PLEKHA1: variants seen among roughly 807,000 people sequenced by gnomAD.
PLEKHA1 encodes the protein pleckstrin homology domain-containing family A member 1.
PLEKHA1 carries 34 observed loss-of-function variants against 52.0 expected under a neutral mutation model. The ratio of observed to expected loss-of-function variants is 0.65; its 90% confidence interval spans 0.50 to 0.87. The LOEUF is 0.87. Ranked by LOEUF, PLEKHA1 falls within the 40% of genes least tolerant of loss-of-function variation. The pLI is 0.00. For synonymous variants in PLEKHA1, 163 were observed against 170.7 expected (o/e 0.95, Z 0.35); for missense variants, 497 against 504.2 (o/e 0.99, Z 0.14).
intron 1 of PLEKHA1, chr10:122,375,111 T>A (rs1323769209): frequency 6.6e-6 from 1 of 151,396 alleles, no homozygotes; most frequent in Non-Finnish European, 1.5e-5. Context: ...TTTCCCGACG[T>A]CAGCCCTCAG....
intron 2 of PLEKHA1, among the ~76,000 whole-genome samples, chr10:122,394,513 G>C (rs1366535126): frequency 6.6e-6 from 1 of 152,240 alleles, no homozygotes; most frequent in Non-Finnish European, 1.5e-5. Context: ...TAGGCTTCTC[G>C]TGTGGGTGAG....
chr10:122,405,174 T>C (rs2096990366), intron 4 of PLEKHA1, among the ~76,000 whole-genome samples: 1 of 152,096 alleles, frequency 6.6e-6, no homozygotes, highest in Admixed American at 6.5e-5. Context: ...AGAAACTAAA[T>C]TGCATAAAAG....
At position 122,413,038 on chromosome 10, in the gene PLEKHA1, C is replaced by G; in HGVS notation, c.461C>G (p.Pro154Arg). The G allele has an allele frequency of 6.2e-7, 1 of 1,611,540 alleles. No individual in the cohort carries two copies. The change falls in exon 6 of 12, where the codon CCC (proline) becomes CGC (arginine). Residue 154 changes from proline to arginine, a missense_variant. Transcript: ENST00000368990. Reference sequence around the variant, plus strand: ...GTTGGTGGCGTACCCATCATTACTCCCACTCAGGTAATTAAGTAACTCTTC... The same window carrying G: ...GTTGGTGGCGTACCCATCATTACTCGCACTCAGGTAATTAAGTAACTCTTC... ...DIVGGVPIIT[P>R]TQKEEVNECG...
At position 122,432,207 on chromosome 10, in the gene PLEKHA1, A is replaced by AT. The variant is rs35693677; in HGVS notation, c.*2276dup. ...CTTTGAATACCTTAATATTTGCTGC[A>AT]TTTTTTTCCGTATATATAACATGTC... is the stretch of plus-strand genomic sequence containing the variant. On this transcript the variant is annotated 3_prime_UTR_variant, in exon 12 of 12. Coordinates refer to ENST00000368990, the MANE Select transcript of PLEKHA1 (RefSeq NM_001001974.4). 1 of 152,134 alleles carries AT rather than the reference A, an allele frequency of 6.6e-6. No homozygotes were observed. The highest frequency in any genetic ancestry group is 1.5e-5 in the Non-Finnish European group (1 of 68,028). 9.4% of individuals were successfully genotyped at this position (152,134 alleles called of 1,614,324 possible). A position where few individuals can be genotyped will look rare whatever the true frequency, so the allele number is the denominator to read the frequency against.
chr10:122,420,233 T>C lies in PLEKHA1; in HGVS notation c.681+2265T>C, dbSNP rs566978558. 4 of 152,360 alleles carry C rather than the reference T, an allele frequency of 2.6e-5. No individual in the cohort carries two copies. The South Asian group carries it at 8.3e-4, about 32-fold the overall frequency. 9.4% of individuals were successfully genotyped at this position (152,360 alleles called of 1,614,324 possible). A position where few individuals can be genotyped will look rare whatever the true frequency, so the allele number is the denominator to read the frequency against. ...GAAGATCTGGAATCTGAATGTGAAA[T>C]CTTAAAAACTATAACCAGTTTATCT... On this transcript the variant is annotated intron_variant, in intron 8 of 11. Coordinates refer to ENST00000368990, the MANE Select transcript of PLEKHA1 (RefSeq NM_001001974.4).
downstream of PLEKHA1, chr10:122,432,766 G>A (rs1565379907): frequency 6.6e-6 from 1 of 152,058 alleles, no homozygotes; most frequent in Non-Finnish European, 1.5e-5. Flanking sequence ...AAACTATGTC[G>A]GGTGTTAGAG....
At chr10:122,378,925 C>T (rs956766007) in intron 1 of PLEKHA1, among the ~76,000 whole-genome samples, 1 of 152,056 alleles carries the variant, frequency 6.6e-6, no homozygotes, top group African/African-American at 2.4e-5. Context: ...ATACTTCTTT[C>T]CTTTCCCTCT....
chr10:122,399,065 C>G (rs1287427292), intron 3 of PLEKHA1, among the ~76,000 whole-genome samples: 1 of 152,036 alleles, frequency 6.6e-6, no homozygotes, highest in East Asian at 1.9e-4. Context: ...AACCTTTTTT[C>G]TGTGCAGTTC....
chr10:122,430,074 C>A lies in PLEKHA1; in HGVS notation c.*136C>A. On this transcript the variant is annotated 3_prime_UTR_variant, in exon 12 of 12. Transcript: ENST00000368990. Reference sequence around the variant, plus strand: ...GCCTCTTAGGTGTACTCTTTATAAGCTGGTAAACCAAGAATCTAGGGAGTG... The same window carrying A: ...GCCTCTTAGGTGTACTCTTTATAAGATGGTAAACCAAGAATCTAGGGAGTG... 1.0e-6 allele frequency: 1 copy of A among 987,248 alleles called. No homozygotes were observed. 61.2% of individuals were successfully genotyped at this position (987,248 alleles called of 1,614,324 possible).
chr10:122,418,504 A>C (rs1380076669), intron 8 of PLEKHA1: 2 of 152,318 alleles, frequency 1.3e-5, no homozygotes, highest in Non-Finnish European at 2.9e-5. Flanking sequence ...TAAGTATTGT[A>C]CAAGGGGAAA....
intron 1 of PLEKHA1, among the ~76,000 whole-genome samples, chr10:122,375,594 AAG>A (rs1274082650): frequency 6.6e-6 from 1 of 152,192 alleles, no homozygotes; most frequent in South Asian, 2.1e-4. Flanking sequence ...ACCTCCTGGA[AAG>A]AGGGGAAAGT....
chr10:122,408,773 G>A (rs1355277830), intron 5 of PLEKHA1, among the ~76,000 whole-genome samples: 1 of 152,034 alleles, frequency 6.6e-6, no homozygotes, highest in Admixed American at 6.6e-5. Flanking sequence ...TTAAAGTGTG[G>A]AATCTCCAAT....
At chr10:122,384,770 A>G (rs2096665010) in intron 1 of PLEKHA1, among the ~76,000 whole-genome samples, 1 of 152,106 alleles carries the variant, frequency 6.6e-6, no homozygotes, top group African/African-American at 2.4e-5. Flanking sequence ...CTGGCCAAAC[A>G]TGGTGAAACC....
chr10:122,391,191 G>A (rs1027776896), intron 1 of PLEKHA1, among the ~76,000 whole-genome samples: 8 of 151,496 alleles, frequency 5.3e-5, no homozygotes, highest in African/African-American at 1.9e-4. Flanking sequence ...CTAGATCCTT[G>A]TCAGATATAT....
chr10:122,398,587 A>G (rs1005323844), intron 3 of PLEKHA1, among the ~76,000 whole-genome samples: 4 of 105,412 alleles, frequency 3.8e-5, no homozygotes, highest in Non-Finnish European at 8.2e-5. Context: ...TGCTAACCCT[A>G]TGGGTTTGTG....
intron 3 of PLEKHA1, 97 bp downstream of exon 3, chr10:122,398,071 A>G (rs983785109): frequency 2.8e-5 from 26 of 924,156 alleles, no homozygotes; most frequent in Non-Finnish European, 4.1e-5. Flanking sequence ...GTCCTTTAAC[A>G]GTGATGTTCA....
intron 1 of PLEKHA1, among the ~76,000 whole-genome samples, chr10:122,385,311 CTTTTTTTTTTT>C (rs1196217497): frequency 3.1e-5 from 3 of 96,482 alleles, no homozygotes; most frequent in Admixed American, 2.5e-4. Context: ...TTGTGTCTGG[CTTTTTTTTTTT>C]TTTTTTTTTT....
intron 1 of PLEKHA1, among the ~76,000 whole-genome samples, chr10:122,375,787 T>G (rs2096525763): frequency 6.6e-6 from 1 of 152,328 alleles, no homozygotes; most frequent in South Asian, 2.1e-4. Context: ...TCCAGGCAGT[T>G]TCTGCGTTTT....
At chr10:122,374,982 C>T (rs368755703) in intron 1 of PLEKHA1, 176 bp downstream of exon 1, 284 of 152,014 alleles carry the variant, frequency 1.9e-3, no homozygotes, top group South Asian at 6.8e-3. Context: ...AGCCGGCGCC[C>T]CCTCTGCGCA....
Sources: gnomAD v4.1 joint callset for allele counts (sites outside exome capture counted in the v4.1 genomes callset) on GRCh38, gnomAD v4.1.1 for gene constraint, MANE v1.5 for transcripts, NCBI Gene and HGNC (gene_info 2026-07-23, HGNC 2026-07-21) for gene names.